SLC44A5: variants seen among roughly 807,000 people sequenced by gnomAD.
SLC44A5 encodes choline transporter-like protein 5.
In SLC44A5, 57 loss-of-function variants were observed where a neutral mutation model predicts 101.8. The observed-to-expected ratio is 0.56, with a 90% CI of 0.45 to 0.70. The LOEUF (loss-of-function observed/expected upper bound fraction) is 0.70. Among genes scored for constraint, SLC44A5 ranks in the 30% least tolerant of loss-of-function variants. The pLI is 0.00. For synonymous variants in SLC44A5, 281 were observed against 290.9 expected, an observed-to-expected ratio of 0.97 and a Z score of 0.35; for missense variants, 737 against 853.1, an observed-to-expected ratio of 0.86 and a Z score of 1.70.
the SLC44A5 span, among the ~76,000 whole-genome samples, chr1:75,651,209 G>A: frequency 1.3e-5 from 2 of 152,088 alleles, no homozygotes; most frequent in African/African-American, 4.8e-5. Flanking sequence ...GCTAAATTGT[G>A]TACCTAAAAG....
intron 2 of SLC44A5, among the ~76,000 whole-genome samples, chr1:75,467,366 T>C (rs766195890): frequency 5.3e-5 from 8 of 152,078 alleles, no homozygotes; most frequent in Non-Finnish European, 1.0e-4. Flanking sequence ...GGACCCAGAA[T>C]AACCAAAGCT....
intron 2 of SLC44A5, among the ~76,000 whole-genome samples, chr1:75,479,508 A>T (rs1481956810): frequency 6.6e-6 from 1 of 152,242 alleles, no homozygotes; most frequent in Non-Finnish European, 1.5e-5. Context: ...CGCTAGCAAG[A>T]CTAATGAAGA....
chr1:75,655,593 G>A, the SLC44A5 span, among the ~76,000 whole-genome samples: 1 of 152,154 alleles, frequency 6.6e-6, no homozygotes, highest in African/African-American at 2.4e-5. Context: ...TGGCAGCCAT[G>A]GGAGTGCCTG....
chr1:75,517,094 T>G (rs2101885907), intron 2 of SLC44A5, among the ~76,000 whole-genome samples: 1 of 152,346 alleles, frequency 6.6e-6, no homozygotes, highest in East Asian at 1.9e-4. Flanking sequence ...CAGTTTGTCC[T>G]TCTTTAAAGT....
intron 3 of SLC44A5, among the ~76,000 whole-genome samples, chr1:75,383,616 A>C (rs978562199): frequency 1.2e-4 from 19 of 152,340 alleles, no homozygotes; most frequent in Admixed American, 3.3e-4. Flanking sequence ...AATGGAACCA[A>C]GTTGGAAAAT....
At chr1:75,541,617 A>C in intron 1 of SLC44A5, 101 bp from the exon 2 acceptor site, 3 of 625,492 alleles carry the variant, frequency 4.8e-6, no homozygotes, top group East Asian at 2.9e-5. Flanking sequence ...ACTATAATTT[A>C]CTCTCCCCAA....
At chr1:75,464,736 T>C (rs1666718537) in intron 2 of SLC44A5, among the ~76,000 whole-genome samples, 1 of 152,182 alleles carries the variant, frequency 6.6e-6, no homozygotes, top group Non-Finnish European at 1.5e-5. Flanking sequence ...GTCACTATGC[T>C]TGTATCAGAC....
At chr1:75,685,125 ACCTTGGCC>A in the SLC44A5 span, among the ~76,000 whole-genome samples, 2 of 152,180 alleles carry the variant, frequency 1.3e-5, no homozygotes, top group African/African-American at 4.8e-5. Flanking sequence ...CCTAAGCTGT[ACCTTGGCC>A]CCTTTTAGCC....
At chr1:75,382,537 AAAG>A (rs1660986063) in intron 3 of SLC44A5, among the ~76,000 whole-genome samples, 1 of 75,216 alleles carries the variant, frequency 1.3e-5, no homozygotes, top group Non-Finnish European at 2.3e-5. Context: ...GTCTGTGTAG[AAAG>A]AAGTAGACAT....
At chr1:75,480,649 C>T (rs554494057) in intron 2 of SLC44A5, among the ~76,000 whole-genome samples, 11 of 152,052 alleles carry the variant, frequency 7.2e-5, no homozygotes, top group Non-Finnish European at 1.2e-4. Context: ...AACTCCCATT[C>T]GCAATTGCTT....
chr1:75,586,759 G>C (rs1247633876), intron 1 of SLC44A5, among the ~76,000 whole-genome samples: 2 of 152,120 alleles, frequency 1.3e-5, no homozygotes, highest in African/African-American at 2.4e-5. Context: ...AGAAAGCAAA[G>C]TCCTTGAAGG....
intron 2 of SLC44A5, among the ~76,000 whole-genome samples, chr1:75,517,319 G>A (rs991361694): frequency 2.6e-5 from 4 of 152,028 alleles, no homozygotes; most frequent in African/African-American, 9.7e-5. Flanking sequence ...GAGGGAGGGA[G>A]AGAGAGAGAA....
intron 2 of SLC44A5, among the ~76,000 whole-genome samples, chr1:75,537,031 A>AAG (rs1557885225): frequency 1.3e-4 from 2 of 15,742 alleles, no homozygotes; most frequent in Non-Finnish European, 8.4e-4. Flanking sequence ...AAAAAAAAAA[A>AAG]AAATATATAT....
rs116666170 is a variant in SLC44A5 at position 75,391,925 on chromosome 1, G to A, written c.52+4658C>T. ...TCCCAGCACTTTGGGAGGCCAAGATGGGTGGATTGCTTGAGTCTGGAAGTT... is the reference window on the plus strand; with the variant it reads ...TCCCAGCACTTTGGGAGGCCAAGATAGGTGGATTGCTTGAGTCTGGAAGTT... On this transcript the variant is annotated intron_variant, in intron 3 of 23. Coordinates refer to ENST00000370859, the MANE Select transcript of SLC44A5 (RefSeq NM_001130058.2). Among the ~76,000 whole-genome samples the A allele has an allele frequency of 4.3e-3, 655 of 152,256 alleles. 6 individuals carry two copies. The highest frequency in any genetic ancestry group is 0.015 in the African/African-American group (635 of 41,556).
At chr1:75,247,737 GGATT>G (rs1225288176) in intron 7 of SLC44A5, among the ~76,000 whole-genome samples, 17 of 151,846 alleles carry the variant, frequency 1.1e-4, no homozygotes, top group African/African-American at 4.1e-4. Context: ...TAAGGAGGTG[GGATT>G]GATTAAATAC....
rs141417830 is a variant in SLC44A5 at position 75,296,599 on chromosome 1, C to G, written c.175+4013G>C. On this transcript the variant is annotated intron_variant, in intron 5 of 23. Transcript: ENST00000370859. Reference sequence around the variant, plus strand: ...GGTACATTTCCTGCATCCCTCATTACCACAGCAACAGTGACGCCAGACTTT... The same window carrying G: ...GGTACATTTCCTGCATCCCTCATTAGCACAGCAACAGTGACGCCAGACTTT... 2.4e-3 allele frequency among the ~76,000 whole-genome samples: 366 copies of G among 152,174 alleles called. 1 individual carries two copies. Among genetic ancestry groups the G allele is most frequent in the Middle Eastern group, 6.8e-3 (2 of 294 alleles).
At chr1:75,422,339 T>C (rs1399855386) in intron 2 of SLC44A5, among the ~76,000 whole-genome samples, 3 of 152,220 alleles carry the variant, frequency 2.0e-5, no homozygotes, top group Non-Finnish European at 4.4e-5. Flanking sequence ...AAGAGACTCT[T>C]ATTCATAGCC....
At chr1:75,620,034 C>T in the SLC44A5 span, among the ~76,000 whole-genome samples, 2 of 152,044 alleles carry the variant, frequency 1.3e-5, no homozygotes, top group East Asian at 1.9e-4. Context: ...TCCCCGTGTC[C>T]GTGTGTTCTT....
intron 4 of SLC44A5, among the ~76,000 whole-genome samples, chr1:75,314,361 C>T (rs922986427): frequency 5.9e-5 from 9 of 152,122 alleles, no homozygotes; most frequent in African/African-American, 9.7e-5. Context: ...ATAAAAAACA[C>T]GCCAGCATCA....
Sources: gnomAD v4.1 joint callset for allele counts (sites outside exome capture counted in the v4.1 genomes callset) on GRCh38, gnomAD v4.1.1 for gene constraint, MANE v1.5 for transcripts, NCBI Gene and HGNC (gene_info 2026-07-23, HGNC 2026-07-21) for gene names.